PRKN: variants seen among roughly 807,000 people sequenced by gnomAD.
PRKN encodes the protein E3 ubiquitin-protein ligase parkin.
In PRKN, 56 loss-of-function variants were observed where a neutral mutation model predicts 59.5. That is an observed-to-expected ratio of 0.94 (90% CI 0.76 to 1.18). The LOEUF is 1.18. PRKN is among the 50% of genes most tolerant of loss of function. The pLI, the probability that PRKN is intolerant of heterozygous loss-of-function variation, is 0.00. For synonymous variants in PRKN, 250 were observed against 222.1 expected (o/e 1.13, Z -1.12); for missense variants, 657 against 596.4 (o/e 1.10, Z -1.06).
chr6:162,162,287 T>C (rs1440366183), intron 4 of PRKN, among the ~76,000 whole-genome samples: 1 of 152,170 alleles, frequency 6.6e-6, no homozygotes, highest in African/African-American at 2.4e-5. Flanking sequence ...ATTTAAATTG[T>C]ATTAGGTAAT....
At chr6:161,427,018 CTACT>C (rs2115041672) in intron 9 of PRKN, among the ~76,000 whole-genome samples, 1 of 152,002 alleles carries the variant, frequency 6.6e-6, no homozygotes, top group East Asian at 2.0e-4. Flanking sequence ...TACTCCTGGC[CTACT>C]TACTTATATT....
intron 2 of PRKN, among the ~76,000 whole-genome samples, chr6:162,344,965 A>T (rs1784336580): frequency 6.6e-6 from 1 of 152,242 alleles, no homozygotes; most frequent in South Asian, 2.1e-4. Flanking sequence ...ATCACTATAC[A>T]GAAACAAAGT....
chr6:162,218,221 C>T (rs1016507978), intron 3 of PRKN, among the ~76,000 whole-genome samples: 11 of 152,182 alleles, frequency 7.2e-5, no homozygotes, highest in South Asian at 4.1e-4. Flanking sequence ...CCTGCGGAAG[C>T]CCCTCTGGGG....
At chr6:161,827,266 T>C (rs1471259669) in intron 6 of PRKN, among the ~76,000 whole-genome samples, 1 of 152,156 alleles carries the variant, frequency 6.6e-6, no homozygotes, top group East Asian at 1.9e-4. Context: ...TTTTCACATG[T>C]TGTTTTCCTC....
intron 8 of PRKN, among the ~76,000 whole-genome samples, chr6:161,557,990 C>T (rs917700517): frequency 6.6e-6 from 1 of 152,160 alleles, no homozygotes; most frequent in Admixed American, 6.5e-5. Flanking sequence ...TGGGCTTCTC[C>T]CTCAATCCCT....
intron 6 of PRKN, among the ~76,000 whole-genome samples, chr6:161,890,924 C>T (rs1223878258): frequency 1.3e-5 from 2 of 152,142 alleles, no homozygotes; most frequent in Non-Finnish European, 2.9e-5. Context: ...AGATGCCAGG[C>T]GGAACTTGCC....
At chr6:161,993,228 T>C (rs1158390070) in intron 5 of PRKN, among the ~76,000 whole-genome samples, 6 of 151,966 alleles carry the variant, frequency 3.9e-5, no homozygotes, top group Admixed American at 1.3e-4. Flanking sequence ...AGAAAAAAGA[T>C]AGAAGACTCA....
chr6:162,079,578 C>A (rs1335633475), intron 4 of PRKN, among the ~76,000 whole-genome samples: 1 of 151,896 alleles, frequency 6.6e-6, no homozygotes. Context: ...CTGTTTAAAC[C>A]CCTCTCATGG....
intron 4 of PRKN, among the ~76,000 whole-genome samples, chr6:162,174,985 C>G (rs953997880): frequency 2.0e-5 from 3 of 152,174 alleles, no homozygotes; most frequent in African/African-American, 7.2e-5. Flanking sequence ...ACACAGCCTA[C>G]CGAGGTGTCT....
chr6:161,493,699 T>C (rs1255731747), intron 9 of PRKN, among the ~76,000 whole-genome samples: 1 of 152,210 alleles, frequency 6.6e-6, no homozygotes, highest in African/African-American at 2.4e-5. Flanking sequence ...CTTCTTTGAG[T>C]TGATTCCGCA....
chr6:161,854,535 A>G (rs988184313), intron 6 of PRKN, among the ~76,000 whole-genome samples: 4 of 152,138 alleles, frequency 2.6e-5, no homozygotes, highest in African/African-American at 9.7e-5. Context: ...TTTGTAGGTT[A>G]TATTTGAAAA....
intron 1 of PRKN, among the ~76,000 whole-genome samples, chr6:162,679,975 A>G (rs959890307): frequency 6.6e-6 from 1 of 152,098 alleles, no homozygotes. Flanking sequence ...TTGTTTGGGT[A>G]TATTTCCTAT....
At chr6:162,208,687 G>A (rs77139774) in intron 3 of PRKN, among the ~76,000 whole-genome samples, 3,960 of 152,200 alleles carry the variant, frequency 0.026, 73 homozygotes, top group Middle Eastern at 0.048. Flanking sequence ...AAATGGATAC[G>A]GGCCAGGAAA....
chr6:161,571,873 G>A (rs895391739), intron 7 of PRKN, among the ~76,000 whole-genome samples: 1 of 152,170 alleles, frequency 6.6e-6, no homozygotes, highest in Admixed American at 6.5e-5. Context: ...CAAGAAGGCA[G>A]AGAACGGTGA....
chr6:161,589,966 T>A (rs1478735104), intron 7 of PRKN, among the ~76,000 whole-genome samples: 1 of 151,412 alleles, frequency 6.6e-6, no homozygotes, highest in East Asian at 1.9e-4. Flanking sequence ...TTTTTGTATT[T>A]TTACTAGAGA....
Position 161,584,826 on chromosome 6 carries a change from C to T in PRKN, c.872-15410G>A, listed in dbSNP as rs141250521. Among the ~76,000 whole-genome samples the T allele has an allele frequency of 2.0e-3, 297 of 152,208 alleles. No individual in the cohort carries two copies. The highest frequency in any genetic ancestry group is 6.7e-3 in the African/African-American group (278 of 41,526). Reference sequence around the variant, plus strand: ...AATTGCGGGATGAGTCTCTGTGCAGCGATTTTTCAGCATGTCAAAATTATA... The same window carrying T: ...AATTGCGGGATGAGTCTCTGTGCAGTGATTTTTCAGCATGTCAAAATTATA... On this transcript the variant is annotated intron_variant, in intron 7 of 11. Transcript: ENST00000366898. The surrounding 1 kb of genome is among the most constrained non-coding windows in gnomAD (Gnocchi z 4.8).
At chr6:162,647,620 T>A (rs1333981050) in intron 1 of PRKN, among the ~76,000 whole-genome samples, 1 of 152,144 alleles carries the variant, frequency 6.6e-6, no homozygotes, top group Non-Finnish European at 1.5e-5. Flanking sequence ...TACTTATATG[T>A]CAAACAAGAA....
chr6:162,038,740 C>A (rs1783943335), intron 5 of PRKN, among the ~76,000 whole-genome samples: 1 of 152,104 alleles, frequency 6.6e-6, no homozygotes, highest in Admixed American at 6.5e-5. Flanking sequence ...CCTAAGAGAC[C>A]AGGGTATAAC....
intron 6 of PRKN, among the ~76,000 whole-genome samples, chr6:161,896,566 A>G (rs1328914104): frequency 6.6e-6 from 1 of 152,180 alleles, no homozygotes; most frequent in Admixed American, 6.6e-5. Context: ...GCCCAAACCC[A>G]TAACCCACAC....
Sources: gnomAD v4.1 joint callset for allele counts (sites outside exome capture counted in the v4.1 genomes callset) on GRCh38, gnomAD v4.1.1 for gene constraint, Gnocchi (gnomAD v3.1) non-coding constraint, MANE v1.5 for transcripts, NCBI Gene and HGNC (gene_info 2026-07-23, HGNC 2026-07-21) for gene names.